The following SAMD3 variants were observed in gnomAD, a reference collection of about 807,000 sequenced individuals.
SAMD3 encodes the protein sterile alpha motif domain-containing protein 3.
A neutral mutation model predicts 58.5 loss-of-function variants in SAMD3; 63 were observed. The ratio of observed to expected loss-of-function variants is 1.08; its 90% CI spans 0.88 to 1.33. The LOEUF is 1.33. Ranked by LOEUF, SAMD3 falls within the 40% of genes most tolerant of loss-of-function variation. SAMD3 has a pLI of 0.00. For synonymous variants in SAMD3, 220 were observed against 210.3 expected (o/e 1.05, Z -0.40); for missense variants, 604 against 608.4 (o/e 0.99, Z 0.08).
chr6:130,250,807 T>C (rs12190589), intron 2 of SAMD3, among the ~76,000 whole-genome samples: 37,072 of 152,130 alleles, frequency 0.24, 5,927 homozygotes, highest in African/African-American at 0.45. Context: ...TTCCATCGTA[T>C]TAACATACCA....
intron 8 of SAMD3, among the ~76,000 whole-genome samples, chr6:130,165,990 T>C (rs1790705690): frequency 6.6e-6 from 1 of 152,118 alleles, no homozygotes; most frequent in African/African-American, 2.4e-5. Context: ...GTCAGGACAG[T>C]AAGAGCAGGA....
chr6:130,153,091 C>T (rs1312007134), intron 9 of SAMD3, among the ~76,000 whole-genome samples: 4 of 152,202 alleles, frequency 2.6e-5, no homozygotes, highest in Non-Finnish European at 5.9e-5. Flanking sequence ...CTGTGTCACA[C>T]GTGGTGCTCT....
At chr6:130,235,092 G>A (rs1314071732) in intron 2 of SAMD3, among the ~76,000 whole-genome samples, 1 of 152,150 alleles carries the variant, frequency 6.6e-6, no homozygotes, top group African/African-American at 2.4e-5. Context: ...TCCAGCCTGG[G>A]CTACAGAGCA....
intron 2 of SAMD3, among the ~76,000 whole-genome samples, chr6:130,229,752 G>A (rs1479610567): frequency 6.6e-6 from 1 of 152,108 alleles, no homozygotes; most frequent in Non-Finnish European, 1.5e-5. Context: ...ATCCAACTTC[G>A]TATTTTTAGC....
chr6:130,176,601 T>C (rs541373480), intron 7 of SAMD3, among the ~76,000 whole-genome samples: 1 of 152,142 alleles, frequency 6.6e-6, no homozygotes, highest in African/African-American at 2.4e-5. Flanking sequence ...AATTTCAATA[T>C]AGAGTGAAAA....
At chr6:130,312,681 A>G (rs1776217401) in intron 2 of SAMD3, among the ~76,000 whole-genome samples, 1 of 151,964 alleles carries the variant, frequency 6.6e-6, no homozygotes, top group African/African-American at 2.4e-5. Flanking sequence ...TTGCTTTCTA[A>G]ACTTTTTTTC....
intron 8 of SAMD3, among the ~76,000 whole-genome samples, chr6:130,172,676 C>T (rs112895875): frequency 7.9e-5 from 12 of 152,136 alleles, no homozygotes; most frequent in African/African-American, 2.9e-4. Flanking sequence ...GTCTGACAAT[C>T]ATGTGTTTTG....
At position 130,228,458 on chromosome 6, in the gene SAMD3, C is replaced by T. The variant is rs375122084; in HGVS notation, c.-187-5645G>A. Among the ~76,000 whole-genome samples the T allele has an allele frequency of 7.4e-4, 113 of 152,148 alleles. 2 individuals are homozygous for T. The South Asian group carries it at 0.022, about 30-fold the overall frequency. ...GAAATGGACGGGCACAGGAATGGTTCGATTCTTACCTCTGGCTGCAAGTTA... is the reference window on the plus strand; with the variant it reads ...GAAATGGACGGGCACAGGAATGGTTTGATTCTTACCTCTGGCTGCAAGTTA... On this transcript the variant is annotated intron_variant, in intron 2 of 13. Coordinates refer to the SAMD3 transcript ENST00000368134.
chr6:130,198,776 A>G (rs574278746), intron 5 of SAMD3, among the ~76,000 whole-genome samples: 15 of 152,322 alleles, frequency 9.8e-5, no homozygotes, highest in Admixed American at 8.5e-4. Flanking sequence ...CTTGAGAATT[A>G]CAAAAAGGTC....
At chr6:130,225,965 C>A (rs995146245), upstream of SAMD3, among the ~76,000 whole-genome samples, 3 of 152,182 alleles carry the variant, frequency 2.0e-5, no homozygotes, top group African/African-American at 7.2e-5. Context: ...TCACATCACC[C>A]TTCTTATCTA....
chr6:130,273,970 C>T (rs1306214536), intron 2 of SAMD3, among the ~76,000 whole-genome samples: 1 of 151,572 alleles, frequency 6.6e-6, no homozygotes, highest in African/African-American at 2.4e-5. Flanking sequence ...ATATACTTAA[C>T]TCTACAAGTG....
At chr6:130,259,489 A>T (rs1192417160) in intron 2 of SAMD3, among the ~76,000 whole-genome samples, 1 of 152,212 alleles carries the variant, frequency 6.6e-6, no homozygotes, top group Non-Finnish European at 1.5e-5. Flanking sequence ...TCCATGATCC[A>T]AACATCTCCC....
At chr6:130,144,300 A>C (rs1450000534), downstream of SAMD3, 3 of 513,616 alleles carry the variant, frequency 5.8e-6, no homozygotes, top group Admixed American at 1.2e-4. Flanking sequence ...AAAACTCAAA[A>C]TAAATCGACA....
intron 11 of SAMD3, among the ~76,000 whole-genome samples, 174 bp from the exon 12 acceptor site, chr6:130,144,978 G>A (rs567107978): frequency 2.0e-5 from 3 of 152,280 alleles, no homozygotes; most frequent in African/African-American, 4.8e-5. Flanking sequence ...AAGTTATCGC[G>A]GTTGGGCTCA....
At chr6:130,315,486 CAACTCTCA>C (rs1228285232) in intron 1 of SAMD3, among the ~76,000 whole-genome samples, 1 of 152,006 alleles carries the variant, frequency 6.6e-6, no homozygotes, top group Non-Finnish European at 1.5e-5. Context: ...GCCTCTTTCC[CAACTCTCA>C]AGAAGGCTAT....
chr6:130,239,870 A>C (rs2114892306), intron 2 of SAMD3, among the ~76,000 whole-genome samples: 1 of 152,322 alleles, frequency 6.6e-6, no homozygotes, highest in African/African-American at 2.4e-5. Flanking sequence ...CTGTGGGTTG[A>C]CCGGAAGACA....
chr6:130,161,451 C>T (rs948029878), intron 8 of SAMD3: 1 of 152,010 alleles, frequency 6.6e-6, no homozygotes, highest in Non-Finnish European at 1.5e-5. Flanking sequence ...AAACTCTTAC[C>T]CAATCATGAA....
chr6:130,319,813 A>T (rs1245433668), intron 1 of SAMD3, among the ~76,000 whole-genome samples: 4 of 152,168 alleles, frequency 2.6e-5, no homozygotes, highest in African/African-American at 9.6e-5. Flanking sequence ...TTAATGTGTA[A>T]GTTTAACATG....
At chr6:130,362,012 C>T (rs141094010) in intron 1 of SAMD3, among the ~76,000 whole-genome samples, 2,902 of 152,280 alleles carry the variant, frequency 0.019, 88 homozygotes, top group African/African-American at 0.065. Context: ...AATATTTTAG[C>T]CCGGCTGTTC....
Sources: gnomAD v4.1 joint callset for allele counts (sites outside exome capture counted in the v4.1 genomes callset) on GRCh38, gnomAD v4.1.1 for gene constraint, MANE v1.5 for transcripts, NCBI Gene and HGNC (gene_info 2026-07-23, HGNC 2026-07-21) for gene names.